Variants in SHISA9 observed in about 807,000 individuals in gnomAD.
The protein encoded by SHISA9 is shisa family member 9.
Under a neutral mutation model 38.0 loss-of-function variants are expected in SHISA9, and 13 were observed. The ratio of observed to expected loss-of-function variants is 0.34; its 90% confidence interval spans 0.22 to 0.54. The LOEUF (loss-of-function observed/expected upper bound fraction) is 0.54, where lower values mean the gene tolerates loss of function less well. SHISA9 is among the 20% of genes least tolerant of loss of function. SHISA9 has a pLI of 0.91. For synonymous variants in SHISA9, 275 were observed against 242.0 expected, an observed-to-expected ratio of 1.14 and a Z score of -1.27; for missense variants, 538 against 575.8, an observed-to-expected ratio of 0.93 and a Z score of 0.67.
the SHISA9 span, among the ~76,000 whole-genome samples, chr16:13,514,512 A>T: frequency 6.6e-6 from 1 of 152,176 alleles, no homozygotes; most frequent in African/African-American, 2.4e-5. Context: ...TTAAGTAGAG[A>T]CATGGAAGAT....
At chr16:13,456,390 TC>T in the SHISA9 span, among the ~76,000 whole-genome samples, 1 of 152,194 alleles carries the variant, frequency 6.6e-6, no homozygotes, top group East Asian at 1.9e-4. Flanking sequence ...TCATGTTTTT[TC>T]CTCCACCATT....
intron 2 of SHISA9, among the ~76,000 whole-genome samples, chr16:13,186,206 G>A (rs572743256): frequency 6.7e-6 from 1 of 150,014 alleles, no homozygotes; most frequent in South Asian, 2.1e-4. Flanking sequence ...GGACATGTAT[G>A]TGAAGCACAT....
rs147608858 is a variant in SHISA9 at position 13,009,071 on chromosome 16, C to G, written c.691+92256C>G. Among the ~76,000 whole-genome samples, 52 of 151,734 alleles carry G rather than the reference C, an allele frequency of 3.4e-4. No homozygotes were observed. The East Asian group carries it at 9.9e-3, about 29-fold the overall frequency. On this transcript the variant is annotated intron_variant, in intron 2 of 4. Transcript: ENST00000558583. ...ATGAATGTCCGTTATGTTCTAGGCTCTGTTCTAAGAGAGAGAGTGTGTGTG... is the reference window on the plus strand; with the variant it reads ...ATGAATGTCCGTTATGTTCTAGGCTGTGTTCTAAGAGAGAGAGTGTGTGTG...
At chr16:12,953,253 AG>A (rs1332070099) in intron 2 of SHISA9, among the ~76,000 whole-genome samples, 2 of 152,072 alleles carry the variant, frequency 1.3e-5, no homozygotes, top group Non-Finnish European at 1.5e-5. Context: ...AAACAGCCAA[AG>A]CTTATAAAGG....
chr16:13,261,579 A>C, the SHISA9 span, among the ~76,000 whole-genome samples: 1 of 152,304 alleles, frequency 6.6e-6, no homozygotes, highest in East Asian at 1.9e-4. Context: ...CTAGGAATAA[A>C]ATTTGGGGCA....
chr16:12,989,350 G>A (rs1375436747), intron 2 of SHISA9, among the ~76,000 whole-genome samples: 2 of 151,928 alleles, frequency 1.3e-5, no homozygotes, highest in East Asian at 3.9e-4. Flanking sequence ...GCTAATTTTT[G>A]TATTTTTAGT....
chr16:13,453,801 T>C, the SHISA9 span, among the ~76,000 whole-genome samples: 1 of 152,228 alleles, frequency 6.6e-6, no homozygotes, highest in Non-Finnish European at 1.5e-5. Flanking sequence ...GGTTGTTGTC[T>C]GATAGCTGCA....
the SHISA9 span, among the ~76,000 whole-genome samples, chr16:13,302,937 C>T: frequency 7.9e-5 from 12 of 152,086 alleles, no homozygotes; most frequent in African/African-American, 1.9e-4. Flanking sequence ...CACCTGTTGC[C>T]GTGTAAGACG....
chr16:13,122,911 G>C (rs143584942), intron 2 of SHISA9, among the ~76,000 whole-genome samples: 1 of 152,146 alleles, frequency 6.6e-6, no homozygotes, highest in African/African-American at 2.4e-5. Context: ...GCCAGGTGTG[G>C]TGGCAGGTGC....
chr16:13,116,852 T>C (rs931073854), intron 2 of SHISA9, among the ~76,000 whole-genome samples: 2 of 152,226 alleles, frequency 1.3e-5, no homozygotes, highest in Non-Finnish European at 1.5e-5. Flanking sequence ...TTAGTGACCA[T>C]GTGATAAATG....
the SHISA9 span, among the ~76,000 whole-genome samples, chr16:13,479,695 G>A: frequency 2.0e-5 from 3 of 152,174 alleles, no homozygotes; most frequent in Admixed American, 6.5e-5. Flanking sequence ...ATGAGGATGC[G>A]ATTAATTGGA....
At chr16:13,456,748 T>C in the SHISA9 span, among the ~76,000 whole-genome samples, 1 of 152,202 alleles carries the variant, frequency 6.6e-6, no homozygotes, top group African/African-American at 2.4e-5. Context: ...CAACTCTAAC[T>C]CTGAAGAAGC....
intron 2 of SHISA9, among the ~76,000 whole-genome samples, chr16:13,176,897 G>A (rs965074065): frequency 3.3e-5 from 5 of 152,100 alleles, no homozygotes; most frequent in African/African-American, 1.2e-4. Flanking sequence ...ATGAAGCCAT[G>A]ATGCTGAGTC....
chr16:13,527,499 G>A, the SHISA9 span, among the ~76,000 whole-genome samples: 4 of 152,232 alleles, frequency 2.6e-5, no homozygotes, highest in Non-Finnish European at 4.4e-5. Context: ...AGAGAGAAAA[G>A]ATCTGCAGAG....
At chr16:13,247,465 G>A in the SHISA9 span, among the ~76,000 whole-genome samples, 9 of 152,268 alleles carry the variant, frequency 5.9e-5, no homozygotes, top group East Asian at 1.7e-3. Flanking sequence ...AGGTCACAGA[G>A]CAAGTGCTGG....
At chr16:13,525,389 A>G in the SHISA9 span, among the ~76,000 whole-genome samples, 2 of 152,218 alleles carry the variant, frequency 1.3e-5, no homozygotes, top group Non-Finnish European at 2.9e-5. Flanking sequence ...CTGCAGTTAC[A>G]TTAAAAAGAC....
rs960944033 is a variant in SHISA9, at chr16:13,239,598, C to G, written c.*4189C>G. 1.3e-5 allele frequency: 2 copies of G among 152,312 alleles called. No homozygotes were observed. The highest frequency in any genetic ancestry group is 1.3e-4 in the Admixed American group (2 of 15,290). The allele number at this position is 152,312 out of a possible 1,614,324, so 9.4% of individuals were successfully genotyped here. On this transcript the variant is annotated 3_prime_UTR_variant, in exon 5 of 5. Coordinates refer to ENST00000558583, the MANE Select transcript of SHISA9 (RefSeq NM_001145204.3). ...TTCTCTGATGGCCAGTGATGATGAG[C>G]ATTTTTTCATGTGTCTTTTGACTGC...
intron 2 of SHISA9, among the ~76,000 whole-genome samples, chr16:13,094,761 G>T (rs999309661): frequency 5.9e-5 from 9 of 152,124 alleles, no homozygotes; most frequent in African/African-American, 2.2e-4. Context: ...GTCCACAAGG[G>T]CATGGCCTTT....
intron 2 of SHISA9, among the ~76,000 whole-genome samples, chr16:13,060,649 A>C (rs1238678382): frequency 2.6e-5 from 4 of 151,518 alleles, no homozygotes; most frequent in South Asian, 2.1e-4. Context: ...AAAAAAAAAA[A>C]AAAAAAAAAA....
Sources: gnomAD v4.1 joint callset for allele counts (sites outside exome capture counted in the v4.1 genomes callset) on GRCh38, gnomAD v4.1.1 for gene constraint, MANE v1.5 for transcripts, NCBI Gene and HGNC (gene_info 2026-07-23, HGNC 2026-07-21) for gene names.